ARPP21: variants seen among roughly 807,000 people sequenced by gnomAD.
ARPP21 encodes cAMP-regulated phosphoprotein 21.
Under a neutral mutation model 113.2 loss-of-function variants are expected in ARPP21, and 69 were observed. The observed-to-expected ratio is 0.61, with a 90% CI of 0.50 to 0.74. ARPP21 has a LOEUF of 0.74. Ranked by LOEUF, ARPP21 falls within the 30% of genes least tolerant of loss-of-function variation. The pLI is 0.00. For missense variants in ARPP21, 1,070 were observed against 1,037.4 expected, an observed-to-expected ratio of 1.03 and a Z score of -0.43; for synonymous variants, 368 against 375.5, an observed-to-expected ratio of 0.98 and a Z score of 0.23.
At chr3:35,672,820 G>A (rs899474808) in intron 1 of ARPP21, among the ~76,000 whole-genome samples, 3 of 152,030 alleles carry the variant, frequency 2.0e-5, no homozygotes, top group Non-Finnish European at 2.9e-5. Flanking sequence ...AAAGATATAG[G>A]ACAGGCAGAC....
intron 1 of ARPP21, chr3:35,641,158 G>C (rs1329192235): frequency 1.3e-5 from 2 of 152,182 alleles, no homozygotes; most frequent in Non-Finnish European, 2.9e-5. Flanking sequence ...ATTTTCCTAA[G>C]AATGTGTTTA....
Position 35,715,320 on chromosome 3 carries a change from C to T in ARPP21, c.898-119C>T, listed in dbSNP as rs1379933611. ...CCTTTTTTATTTCTATCTTTTGTAC[C>T]TATTTTTCTTAATTCTTTTCCCCTA... On this transcript the variant is annotated intron_variant, in intron 11 of 20. Transcript: ENST00000684406. 9.1e-6 allele frequency: 7 copies of T among 767,414 alleles called. No homozygotes were observed. The African/African-American group carries it at 1.1e-4, about 12-fold the overall frequency. The allele number at this position is 767,414 out of a possible 1,614,324, so 47.5% of individuals were successfully genotyped here.
In ARPP21 at chr3:35,667,855, A is replaced by T. The variant is rs1021064531; in HGVS notation, c.-212-11932A>T. ...CTTTTATTCTCAAAGAAGAAGAAGA[A>T]GAAGAAGAAGAAGAAGAAGAAGAAG... On this transcript the variant is annotated intron_variant, in intron 1 of 20. Coordinates refer to ENST00000684406, the MANE Select transcript of ARPP21 (RefSeq NM_001385562.1). Among the ~76,000 whole-genome samples, 236 of 119,412 alleles carry T rather than the reference A, an allele frequency of 2.0e-3. 8 individuals carry two copies. The highest frequency in any genetic ancestry group is 9.7e-3 in the African/African-American group (225 of 23,200). 78.3% of individuals were successfully genotyped at this position (119,412 alleles called of 152,430 possible). A position where few individuals can be genotyped will look rare whatever the true frequency, so the allele number is the denominator to read the frequency against.
chr3:35,673,719 A>G (rs2076876353), intron 1 of ARPP21, among the ~76,000 whole-genome samples: 1 of 151,982 alleles, frequency 6.6e-6, no homozygotes, highest in East Asian at 1.9e-4. Flanking sequence ...TCTTCCTTTT[A>G]ACTTTCTTTG....
intron 19 of ARPP21, among the ~76,000 whole-genome samples, chr3:35,772,972 C>G (rs2096251817): frequency 6.6e-6 from 1 of 152,094 alleles, no homozygotes; most frequent in Admixed American, 6.6e-5. Context: ...AGCCATTTTA[C>G]TTTTTATCAA....
At chr3:35,752,330 C>T (rs947784824) in intron 19 of ARPP21, among the ~76,000 whole-genome samples, 4 of 151,828 alleles carry the variant, frequency 2.6e-5, no homozygotes, top group Non-Finnish European at 5.9e-5. Flanking sequence ...TCTGAGGAAA[C>T]GATGTATGTT....
intron 19 of ARPP21, among the ~76,000 whole-genome samples, chr3:35,767,519 T>G (rs1273540373): frequency 4.6e-5 from 7 of 152,120 alleles, no homozygotes; most frequent in Non-Finnish European, 1.0e-4. Context: ...ATTGCCTCAA[T>G]AGTTCACTCC....
At chr3:35,729,641 G>A (rs546492317) in intron 15 of ARPP21, 105 bp downstream of exon 15, 13 of 1,005,022 alleles carry the variant, frequency 1.3e-5, no homozygotes, top group South Asian at 4.6e-5. Context: ...TCCTGAACAG[G>A]AAAGCTAGTT....
intron 1 of ARPP21, among the ~76,000 whole-genome samples, chr3:35,653,686 T>C (rs1703490316): frequency 6.6e-6 from 1 of 152,080 alleles, no homozygotes; most frequent in Non-Finnish European, 1.5e-5. Flanking sequence ...TTAACCATTG[T>C]GAGTTTAATA....
intron 3 of ARPP21, chr3:35,682,318 A>G (rs1023028382): frequency 6.3e-6 from 1 of 159,440 alleles, no homozygotes; most frequent in African/African-American, 2.4e-5. Context: ...AAATCTTAGT[A>G]GCAAACAAGC....
chr3:35,666,310 C>A (rs1395368326), intron 1 of ARPP21, among the ~76,000 whole-genome samples: 1 of 152,044 alleles, frequency 6.6e-6, no homozygotes, highest in East Asian at 1.9e-4. Flanking sequence ...ACAAAATATT[C>A]CAATCAGTGG....
chr3:35,712,763 C>A (rs979582538), intron 11 of ARPP21, among the ~76,000 whole-genome samples: 3 of 151,906 alleles, frequency 2.0e-5, no homozygotes, highest in African/African-American at 7.3e-5. Context: ...GAATTTAGTA[C>A]CTAAATAATA....
chr3:35,762,093 T>TC (rs2095798891), intron 19 of ARPP21, among the ~76,000 whole-genome samples: 1 of 135,626 alleles, frequency 7.4e-6, no homozygotes, highest in African/African-American at 3.1e-5. Context: ...AGACTCTCTC[T>TC]CTCCTCTCTC....
chr3:35,651,132 A>G lies in ARPP21; in HGVS notation c.-213+10734A>G, dbSNP rs562096343. Among the ~76,000 whole-genome samples the G allele has an allele frequency of 2.0e-5, 3 of 152,234 alleles. No homozygotes were observed. The South Asian group carries it at 6.2e-4, about 32-fold the overall frequency. ...ATGAAATTTAAATGGTTCTGTAGGA[A>G]AACCACAGAGGAATAAAAGATTTGA... is the stretch of plus-strand genomic sequence containing the variant. On this transcript the variant is annotated intron_variant, in intron 1 of 20. Transcript: ENST00000684406.
chr3:35,705,610 C>A lies in ARPP21; in HGVS notation c.687-1364C>A, dbSNP rs141492292. ...AACTGAGTCTCTGAAAGGATGTGAC[C>A]AGGCTGTGTGATGCCTGTGGCTTAC... On this transcript the variant is annotated intron_variant, in intron 9 of 20. Coordinates refer to ENST00000684406, the MANE Select transcript of ARPP21 (RefSeq NM_001385562.1). 1.2e-4 allele frequency among the ~76,000 whole-genome samples: 19 copies of A among 152,178 alleles called. No homozygotes were observed. The East Asian group carries it at 3.7e-3, about 30-fold the overall frequency.
chr3:35,665,757 A>G (rs2074207863), intron 1 of ARPP21, among the ~76,000 whole-genome samples: 1 of 152,174 alleles, frequency 6.6e-6, no homozygotes, highest in African/African-American at 2.4e-5. Flanking sequence ...CATTTTGTAA[A>G]AAGTTAATAC....
intron 1 of ARPP21, among the ~76,000 whole-genome samples, chr3:35,675,586 G>A (rs776715306): frequency 1.3e-5 from 2 of 151,706 alleles, no homozygotes; most frequent in Non-Finnish European, 2.9e-5. Flanking sequence ...GGTAAGCTTT[G>A]GGAAAAAAAT....
chr3:35,761,733 G>A (rs991347501), intron 19 of ARPP21, among the ~76,000 whole-genome samples: 1 of 152,112 alleles, frequency 6.6e-6, no homozygotes, highest in African/African-American at 2.4e-5. Flanking sequence ...AGACTAGAAG[G>A]ATTAGCACCT....
intron 9 of ARPP21, among the ~76,000 whole-genome samples, chr3:35,700,771 A>G (rs1186166198): frequency 6.6e-6 from 1 of 151,868 alleles, no homozygotes; most frequent in African/African-American, 2.4e-5. Flanking sequence ...TTGTAGATTA[A>G]CACTAGATTA....
Sources: allele counts gnomAD v4.1 joint callset (sites outside exome capture counted in the v4.1 genomes callset), GRCh38; gene constraint gnomAD v4.1.1; transcripts MANE v1.5; gene names NCBI Gene and HGNC (gene_info 2026-07-23, HGNC 2026-07-21).